The following MAP3K1 variants were observed in gnomAD, a reference collection of about 807,000 sequenced individuals.
The protein encoded by MAP3K1 is MAP/ERK kinase kinase 1.
Under a neutral mutation model 144.2 loss-of-function variants are expected in MAP3K1, and 36 were observed. The observed-to-expected ratio is 0.25, with a 90% CI of 0.19 to 0.33. The LOEUF is 0.33. MAP3K1 is among the 10% of genes least tolerant of loss of function. The probability of loss-of-function intolerance (pLI) is 1.00; values close to 1 mark genes in which losing one functional copy is unlikely to be tolerated. For missense variants in MAP3K1, 1,650 were observed against 1,881.9 expected (o/e 0.88, Z 2.28); for synonymous variants, 718 against 688.7 (o/e 1.04, Z -0.67).
At position 56,882,364 on chromosome 5, in the gene MAP3K1, G is replaced by T; in HGVS notation, c.3164G>T (p.Ser1055Ile). Reference protein sequence around the residue: ...VFTQSRPLPSSNIHRPKPSRP... With the variant: ...VFTQSRPLPSINIHRPKPSRP... ...ACTCAGTCAAGACCCTTGCCCTCCA[G>T]TAACATACACAGGCCAAAGCCATCT... Residue 1055 changes from serine (S) to isoleucine (I), a missense_variant, in exon 14 of 20, where the codon AGT (serine) becomes ATT (isoleucine). This residue lies in a region of MAP3K1 where 841 missense variants were observed against 886.5 expected (regional missense o/e 0.95). Coordinates refer to ENST00000399503, the MANE Select transcript of MAP3K1 (RefSeq NM_005921.2). 6.2e-7 allele frequency: 1 copy of T among 1,614,090 alleles called. No individual in the cohort carries two copies. Among genetic ancestry groups the T allele is most frequent in the South Asian group, 1.1e-5 (1 of 91,078 alleles).
At chr5:56,835,329 GACAA>G (rs1746615247) in intron 1 of MAP3K1, among the ~76,000 whole-genome samples, 1 of 147,308 alleles carries the variant, frequency 6.8e-6, no homozygotes, top group African/African-American at 2.5e-5. Context: ...GGGAAGAGGA[GACAA>G]GGAGGCAGGG....
intron 1 of MAP3K1, among the ~76,000 whole-genome samples, chr5:56,832,902 T>A (rs1340214545): frequency 6.6e-6 from 1 of 152,252 alleles, no homozygotes; most frequent in Non-Finnish European, 1.5e-5. Context: ...AGACGGAGTC[T>A]CGCTCTGTCA....
chr5:56,833,544 A>G (rs1043282836), intron 1 of MAP3K1, among the ~76,000 whole-genome samples: 1 of 152,102 alleles, frequency 6.6e-6, no homozygotes, highest in Admixed American at 6.5e-5. Flanking sequence ...ACACCTGAGT[A>G]TCTCTCTGCA....
Position 56,882,808 on chromosome 5 carries a change from C to G in MAP3K1, c.3608C>G (p.Pro1203Arg). ...MAMSASQDAL[P>R]IVPQLQVENG... is the part of the protein sequence containing the mutation. ...ATGTCAGCGTCTCAGGATGCCCTCC[C>G]CATAGTTCCTCAGCTGCAGGTTGAA... The change falls in exon 14 of 20, where the codon CCC (proline) becomes CGC (arginine). Residue 1203 changes from proline to arginine, a missense_variant. Coordinates refer to ENST00000399503, the MANE Select transcript of MAP3K1 (RefSeq NM_005921.2). 1.2e-6 allele frequency: 2 copies of G among 1,612,552 alleles called. No homozygotes were observed. Among genetic ancestry groups the G allele is most frequent in the Non-Finnish European group, 1.7e-6 (2 of 1,179,546 alleles).
At chr5:56,874,720 G>A (rs1478517576) in intron 9 of MAP3K1, among the ~76,000 whole-genome samples, 8 of 151,912 alleles carry the variant, frequency 5.3e-5, no homozygotes, top group Admixed American at 1.3e-4. Flanking sequence ...GTTTTTTGGC[G>A]TTTTGGTAAG....
intron 19 of MAP3K1, among the ~76,000 whole-genome samples, chr5:56,892,565 A>G (rs1034309966): frequency 6.6e-6 from 1 of 152,242 alleles, no homozygotes; most frequent in Admixed American, 6.5e-5. Flanking sequence ...TTGAAATAAA[A>G]TAACAGTTAA....
At chr5:56,865,302 G>T in intron 4 of MAP3K1, 38 bp from the exon 5 acceptor site, 1 of 1,138,014 alleles carries the variant, frequency 8.8e-7, no homozygotes, top group South Asian at 1.3e-5. Context: ...GTGAACCACA[G>T]ATGTATTAAC....
At chr5:56,862,599 T>C (rs1328070288) in intron 3 of MAP3K1, among the ~76,000 whole-genome samples, 8 of 152,208 alleles carry the variant, frequency 5.3e-5, no homozygotes, top group Non-Finnish European at 1.2e-4. Flanking sequence ...ATGAATGATA[T>C]ACTAATGAAC....
chr5:56,848,102 C>CAAA (rs11399910), intron 1 of MAP3K1, among the ~76,000 whole-genome samples: 38 of 150,460 alleles, frequency 2.5e-4, no homozygotes, highest in African/African-American at 7.1e-4. Context: ...TAATTGACTG[C>CAAA]AAAAAAAAAA....
At chr5:56,886,770 T>A (rs1342993465) in intron 17 of MAP3K1, among the ~76,000 whole-genome samples, 1 of 152,094 alleles carries the variant, frequency 6.6e-6, no homozygotes, top group African/African-American at 2.4e-5. Flanking sequence ...TTCCTTATCC[T>A]TTTCTTTTTT....
At position 56,881,554 on chromosome 5, in the gene MAP3K1, T is replaced by C. The variant is rs1414436507; in HGVS notation, c.2370-16T>C. The C allele has an allele frequency of 6.3e-7, 1 of 1,579,556 alleles. No homozygotes were observed. Among genetic ancestry groups the C allele is most frequent in the Admixed American group, 1.7e-5 (1 of 59,962 alleles). On this transcript the variant is annotated splice_polypyrimidine_tract_variant and intron_variant, in intron 13 of 19. Transcript: ENST00000399503. Reference sequence around the variant, plus strand: ...TAATTGGAACTTATATGGTAATGAATGTTTTTTTCTTTCAGGTATAAGAAG... The same window carrying C: ...TAATTGGAACTTATATGGTAATGAACGTTTTTTTCTTTCAGGTATAAGAAG...
At chr5:56,882,966 A>G in intron 14 of MAP3K1, 100 bp downstream of exon 14, 2 of 941,362 alleles carry the variant, frequency 2.1e-6, no homozygotes, top group Non-Finnish European at 3.3e-6. Context: ...AGGCCGAAGG[A>G]TTGCTTGAGC....
chr5:56,846,498 A>T (rs985721423), intron 1 of MAP3K1, among the ~76,000 whole-genome samples: 35 of 152,210 alleles, frequency 2.3e-4, no homozygotes, highest in African/African-American at 8.2e-4. Context: ...TCATTCGCTA[A>T]CTCAAATTGC....
intron 1 of MAP3K1, among the ~76,000 whole-genome samples, chr5:56,852,914 C>CAA (rs1747219547): frequency 2.0e-5 from 3 of 151,884 alleles, no homozygotes; most frequent in Non-Finnish European, 4.4e-5. Context: ...CATACACACA[C>CAA]ACACTCATCT....
intron 3 of MAP3K1, among the ~76,000 whole-genome samples, chr5:56,864,123 T>C (rs1391014118): frequency 2.0e-5 from 3 of 152,320 alleles, no homozygotes; most frequent in East Asian, 3.9e-4. Flanking sequence ...ATGCTTTTTG[T>C]TTTGGTTTAT....
chr5:56,888,058 C>T (rs1748438962), intron 18 of MAP3K1, 168 bp from the exon 19 acceptor site: 2 of 639,242 alleles, frequency 3.1e-6, no homozygotes, highest in Non-Finnish European at 5.4e-6. Flanking sequence ...TTTGTGCTAC[C>T]TGGAAAATTA....
chr5:56,843,581 C>A (rs1167692402), intron 1 of MAP3K1, among the ~76,000 whole-genome samples: 1 of 152,112 alleles, frequency 6.6e-6, no homozygotes, highest in African/African-American at 2.4e-5. Flanking sequence ...TCACCCCAGA[C>A]CTAAGAGCTT....
At chr5:56,849,329 TCAGAGC>T (rs1747093601) in intron 1 of MAP3K1, among the ~76,000 whole-genome samples, 1 of 148,740 alleles carries the variant, frequency 6.7e-6, no homozygotes, top group Non-Finnish European at 1.5e-5. Flanking sequence ...AGCCTGGGCG[TCAGAGC>T]CAAACCCTCT....
rs754402779 is a variant in MAP3K1 at position 56,882,156 on chromosome 5, CCTT to C, written c.2965_2967del (p.Ser989del). On this transcript the variant is annotated inframe_deletion, in exon 14 of 20. Coordinates refer to ENST00000399503, the MANE Select transcript of MAP3K1 (RefSeq NM_005921.2). ...ATTAATGTTTCCAGCCTTGTCAACC[CCTT>C]CTTCTTCTACCCCATCTGTACCAGC... 3.2e-5 allele frequency: 52 copies of C among 1,611,900 alleles called. No individual in the cohort carries two copies. The highest frequency in any genetic ancestry group is 1.1e-4 in the African/African-American group (8 of 72,952).
Sources: allele counts gnomAD v4.1 joint callset (sites outside exome capture counted in the v4.1 genomes callset), GRCh38; gene constraint gnomAD v4.1.1; regional missense constraint gnomAD v4.1.1; transcripts MANE v1.5; gene names NCBI Gene and HGNC (gene_info 2026-07-23, HGNC 2026-07-21).